Variants in TBC1D21 observed in about 807,000 individuals in gnomAD.
The protein encoded by TBC1D21 is TBC1 domain family member 21, also known as male germ cell Rab GTPase-activating protein.
Under a neutral mutation model 46.0 loss-of-function variants are expected in TBC1D21, and 38 were observed. That is an observed-to-expected ratio of 0.83 (90% confidence interval 0.64 to 1.08). The LOEUF (loss-of-function observed/expected upper bound fraction) is 1.08. Ranked by LOEUF, TBC1D21 falls within the 50% of genes least tolerant of loss-of-function variation. The pLI is 0.00. For synonymous variants in TBC1D21, 151 were observed against 157.2 expected, an observed-to-expected ratio of 0.96 and a Z score of 0.29; for missense variants, 415 against 417.9, an observed-to-expected ratio of 0.99 and a Z score of 0.06.
chr15:73,890,498 C>A (rs2068328029), downstream of TBC1D21, among the ~76,000 whole-genome samples: 2 of 152,308 alleles, frequency 1.3e-5, no homozygotes, highest in Admixed American at 1.3e-4. Flanking sequence ...ATAAGTGTTC[C>A]CGCATGAAAG....
intron 1 of TBC1D21, among the ~76,000 whole-genome samples, chr15:73,876,210 T>TGTTTG (rs2068059925): frequency 6.7e-5 from 2 of 30,002 alleles, no homozygotes; most frequent in African/African-American, 2.4e-4. Flanking sequence ...TTTTTTTTTT[T>TGTTTG]TTTTTTTTTT....
Position 73,889,050 on chromosome 15 carries a change from C to A in TBC1D21, c.979-19C>A. 6.2e-7 allele frequency: 1 copy of A among 1,613,264 alleles called. No individual in the cohort carries two copies. Among genetic ancestry groups the A allele is most frequent in the Non-Finnish European group, 8.5e-7 (1 of 1,179,688 alleles). On this transcript the variant is annotated intron_variant, in intron 10 of 10. Transcript: ENST00000300504. ...GGACAGACCAATGTCTGTGCACCTC[C>A]CACCTGCCTCCTCCCTAGGTTCCTC...
At chr15:73,890,577 C>G (rs2068328752), downstream of TBC1D21, among the ~76,000 whole-genome samples, 1 of 152,214 alleles carries the variant, frequency 6.6e-6, no homozygotes, top group Admixed American at 6.5e-5. Flanking sequence ...TAAAAGACAT[C>G]TTGCTGAGCT....
In TBC1D21 at chr15:73,880,247, C is replaced by G. The variant is rs191918741; in HGVS notation, c.61-1152C>G. ...ATTACTTTGCATGCAGTGCACTCACCTCTCTCCAACACATACACACACACA... is the reference window on the plus strand; with the variant it reads ...ATTACTTTGCATGCAGTGCACTCACGTCTCTCCAACACATACACACACACA... On this transcript the variant is annotated intron_variant, in intron 1 of 10. Coordinates refer to ENST00000300504, the MANE Select transcript of TBC1D21 (RefSeq NM_153356.3). 1.1e-4 allele frequency among the ~76,000 whole-genome samples: 16 copies of G among 151,884 alleles called. No individual in the cohort carries two copies. The East Asian group carries it at 2.9e-3, about 28-fold the overall frequency.
At chr15:73,905,634 T>C in the TBC1D21 span, among the ~76,000 whole-genome samples, 1 of 152,208 alleles carries the variant, frequency 6.6e-6, no homozygotes, top group African/African-American at 2.4e-5. Context: ...ACCATGGAAA[T>C]TGGCAACTGC....
intron 1 of TBC1D21, among the ~76,000 whole-genome samples, chr15:73,874,554 C>T (rs2068024245): frequency 6.6e-6 from 1 of 152,340 alleles, no homozygotes; most frequent in East Asian, 1.9e-4. Flanking sequence ...GCCACAGAGA[C>T]TTTGTCACTT....
the TBC1D21 span, among the ~76,000 whole-genome samples, chr15:73,900,739 T>G: frequency 6.6e-6 from 1 of 152,130 alleles, no homozygotes; most frequent in Non-Finnish European, 1.5e-5. Context: ...AGTGGTCTAT[T>G]CAAGATGATG....
downstream of TBC1D21, chr15:73,889,279 G>C (rs2068316269): frequency 1.4e-6 from 1 of 697,870 alleles, no homozygotes; most frequent in Non-Finnish European, 2.4e-6. Context: ...GCTGAGACAG[G>C]GTCGTACGAT....
At position 73,886,538 on chromosome 15, in the gene TBC1D21, T is replaced by A; in HGVS notation, c.703T>A (p.Ser235Thr). The change falls in exon 8 of 11, where the codon TCC becomes ACC. Residue 235 changes from serine to threonine, a missense_variant. Transcript: ENST00000300504. ...AGGGAAGGGTGCAGGGGCTGTGCAG[T>A]CCCTCTTCCCCTGGTTCTGCTTCTG... ...LKGKGAGAVQSLFPWFCFCFQ... is the reference protein window; with the variant it reads ...LKGKGAGAVQTLFPWFCFCFQ... 6.2e-7 allele frequency: 1 copy of A among 1,613,666 alleles called. No individual in the cohort carries two copies. Among genetic ancestry groups the A allele is most frequent in the African/African-American group, 1.3e-5 (1 of 75,040 alleles).
chr15:73,878,775 A>G (rs2068104961), intron 1 of TBC1D21, among the ~76,000 whole-genome samples: 2 of 152,244 alleles, frequency 1.3e-5, no homozygotes, highest in Admixed American at 1.3e-4. Flanking sequence ...TAAAATCCTT[A>G]TGGAAATGCA....
At chr15:73,907,278 C>T in the TBC1D21 span, among the ~76,000 whole-genome samples, 2 of 152,194 alleles carry the variant, frequency 1.3e-5, no homozygotes, top group East Asian at 3.8e-4. Context: ...ATGAATTTCT[C>T]AGCTCAGTTG....
At chr15:73,880,706 G>A (rs2068138690) in intron 1 of TBC1D21, among the ~76,000 whole-genome samples, 1 of 152,192 alleles carries the variant, frequency 6.6e-6, no homozygotes, top group Non-Finnish European at 1.5e-5. Flanking sequence ...GGGAGGCAGA[G>A]GTTGCAGTGA....
rs1203918799 is a variant in TBC1D21, at chr15:73,881,693, A to T, written c.218A>T (p.Tyr73Phe). 1 of 1,613,016 alleles carries T rather than the reference A, an allele frequency of 6.2e-7. No individual in the cohort carries two copies. Among genetic ancestry groups the T allele is most frequent in the Non-Finnish European group, 8.5e-7 (1 of 1,179,754 alleles). ...GAAGCCTGGAAATTCCTCACGGGCT[A>T]CTTCTCATGGCAGAGTTCCCAGGAT... ...RTEAWKFLTG[Y>F]FSWQSSQDER... The change falls in exon 3 of 11, where the codon TAC becomes TTC. Residue 73 changes from tyrosine (Y) to phenylalanine (F), a missense_variant. Transcript: ENST00000300504.
At chr15:73,903,244 A>G in the TBC1D21 span, among the ~76,000 whole-genome samples, 1 of 152,152 alleles carries the variant, frequency 6.6e-6, no homozygotes. Context: ...CCTGGCACCC[A>G]TGCCTCCGGC....
chr15:73,888,542 C>T, intron 10 of TBC1D21, 29 bp downstream of exon 10: 4 of 1,381,514 alleles, frequency 2.9e-6, no homozygotes, highest in Non-Finnish European at 2.9e-6. Context: ...GTGTCCTCCT[C>T]CTCCTCTTCC....
chr15:73,881,604 C>T lies in TBC1D21; in HGVS notation c.169-40C>T, dbSNP rs568472944. 1.6e-4 allele frequency: 254 copies of T among 1,602,696 alleles called. 1 individual carries two copies. The East Asian group carries it at 3.6e-3, about 23-fold the overall frequency. ...TGGATGAAGCCCTTTTGGTAGGCAT[C>T]GATAGAGCCCATGACCTCCACCTCC... On this transcript the variant is annotated intron_variant, in intron 2 of 10. Coordinates refer to ENST00000300504, the MANE Select transcript of TBC1D21 (RefSeq NM_153356.3).
the TBC1D21 span, among the ~76,000 whole-genome samples, chr15:73,905,340 A>T: frequency 3.0e-4 from 45 of 152,272 alleles, no homozygotes; most frequent in Middle Eastern, 3.4e-3. Flanking sequence ...AAATGATCTG[A>T]TTGTTTCTGA....
chr15:73,900,148 G>A, the TBC1D21 span, among the ~76,000 whole-genome samples: 6 of 152,234 alleles, frequency 3.9e-5, no homozygotes, highest in East Asian at 1.2e-3. Context: ...GCCAGGGTCT[G>A]AGGGCTGAGC....
chr15:73,903,863 A>G, the TBC1D21 span, among the ~76,000 whole-genome samples: 1 of 152,110 alleles, frequency 6.6e-6, no homozygotes, highest in South Asian at 2.1e-4. Flanking sequence ...CCTGGCCAAC[A>G]TGGTGAAACC....
Sources: gnomAD v4.1 joint callset for allele counts (sites outside exome capture counted in the v4.1 genomes callset) on GRCh38, gnomAD v4.1.1 for gene constraint, MANE v1.5 for transcripts, NCBI Gene and HGNC (gene_info 2026-07-23, HGNC 2026-07-21) for gene names.